Variants in SPEF2 observed in about 807,000 individuals in gnomAD.
The protein encoded by SPEF2 is sperm flagellar and cilia associated 2, also known as sperm flagella and cilia-associated protein 2.
In SPEF2, 187 loss-of-function variants were observed where a neutral mutation model predicts 224.6. The observed-to-expected ratio is 0.83, with a 90% CI of 0.74 to 0.94. The LOEUF (loss-of-function observed/expected upper bound fraction) is 0.94, where lower values mean the gene tolerates loss of function less well. SPEF2 is among the 40% of genes least tolerant of loss of function. SPEF2 has a pLI of 0.00. For synonymous variants in SPEF2, 715 were observed against 707.3 expected, an observed-to-expected ratio of 1.01 and a Z score of -0.17; for missense variants, 2,170 against 2,135.6, an observed-to-expected ratio of 1.02 and a Z score of -0.32.
intron 5 of SPEF2, among the ~76,000 whole-genome samples, chr5:35,647,710 A>G (rs1423518838): frequency 6.6e-6 from 1 of 151,848 alleles, no homozygotes; most frequent in East Asian, 1.9e-4. Context: ...TACACATAGC[A>G]TATGTATGCC....
At chr5:35,659,914 A>G (rs1330376047) in intron 8 of SPEF2, among the ~76,000 whole-genome samples, 1 of 151,518 alleles carries the variant, frequency 6.6e-6, no homozygotes, top group Non-Finnish European at 1.5e-5. Flanking sequence ...AAAAAAAGAG[A>G]TTCCTCAGGC....
intron 2 of SPEF2, among the ~76,000 whole-genome samples, chr5:35,640,957 A>G (rs1746552249): frequency 6.6e-6 from 1 of 152,186 alleles, no homozygotes; most frequent in Non-Finnish European, 1.5e-5. Flanking sequence ...AAGAGGCTCA[A>G]AAACATGCTA....
At chr5:35,685,961 CTTTTG>C (rs1252758695) in intron 10 of SPEF2, among the ~76,000 whole-genome samples, 1 of 151,614 alleles carries the variant, frequency 6.6e-6, no homozygotes, top group Admixed American at 6.6e-5. Flanking sequence ...TGTACCCTGT[CTTTTG>C]TTTTGGTTCT....
chr5:35,692,577 T>C lies in SPEF2; in HGVS notation c.1752T>C (p.Pro584=), dbSNP rs1754682224. The C allele has an allele frequency of 1.9e-6, 3 of 1,607,126 alleles. No individual in the cohort carries two copies. In the Middle Eastern group the frequency reaches 5.0e-4, roughly 268 times the overall value. Residue 584 remains proline (P), a synonymous_variant, in exon 12 of 37, where the codon CCT becomes CCC. Transcript: ENST00000356031. The stretch of plus-strand genomic sequence containing the variant: ...TTATCTTTTGTACTTTAGACTTTCC[T>C]ATACAGATACTTTCTATTGACACTC... ...TILRSLQKDF[P]IQILSIDTLV...
chr5:35,628,528 C>T lies in SPEF2; in HGVS notation c.127C>T (p.Leu43Phe). Residue 43 changes from leucine to phenylalanine, a missense_variant, in exon 2 of 37, where the codon CTT becomes TTT. Physicochemically the swap from Leu to Phe is conservative, Grantham distance 22 (BLOSUM62 0). Transcript: ENST00000356031. Reference sequence around the variant, plus strand: ...TGGAGAAGTTCTACACAAGTTTGAACTTCAGGATGATTTTTCAGAATTTTT... The same window carrying T: ...TGGAGAAGTTCTACACAAGTTTGAATTTCAGGATGATTTTTCAGAATTTTT... The part of the protein sequence containing the change: ...LLGEVLHKFE[L>F]QDDFSEFLDS... 1 of 1,613,906 alleles carries T rather than the reference C, an allele frequency of 6.2e-7. No homozygotes were observed.
chr5:35,782,554 C>T (rs974080131), intron 30 of SPEF2, among the ~76,000 whole-genome samples: 1 of 152,024 alleles, frequency 6.6e-6, no homozygotes, highest in Non-Finnish European at 1.5e-5. Context: ...ACTGATGTTA[C>T]TAAATTACAC....
chr5:35,656,575 G>A (rs1405235776), intron 7 of SPEF2, among the ~76,000 whole-genome samples: 1 of 152,150 alleles, frequency 6.6e-6, no homozygotes, highest in Non-Finnish European at 1.5e-5. Flanking sequence ...ACATTTCTAT[G>A]TATGTTCCAA....
rs72738825 is a variant in SPEF2, at chr5:35,662,633, A to G, written c.1167+3426A>G. 4.0e-3 allele frequency among the ~76,000 whole-genome samples: 616 copies of G among 152,220 alleles called. 2 individuals carry two copies. The highest frequency in any genetic ancestry group is 6.9e-3 in the Non-Finnish European group (470 of 67,984). ...GGTGTAAGGGAGGGGTCCAGTTTCTATCTTCTGCATATAGGTAGCCAGTTA... is the reference window on the plus strand; with the variant it reads ...GGTGTAAGGGAGGGGTCCAGTTTCTGTCTTCTGCATATAGGTAGCCAGTTA... On this transcript the variant is annotated intron_variant, in intron 8 of 36. Coordinates refer to ENST00000356031, the MANE Select transcript of SPEF2 (RefSeq NM_024867.4).
chr5:35,777,974 G>A (rs1477138629), intron 29 of SPEF2, among the ~76,000 whole-genome samples: 1 of 152,150 alleles, frequency 6.6e-6, no homozygotes, highest in Non-Finnish European at 1.5e-5. Context: ...CTCTGTCCCC[G>A]AGCACGCAAC....
chr5:35,696,008 C>G (rs1159118257), intron 14 of SPEF2, among the ~76,000 whole-genome samples: 1 of 152,220 alleles, frequency 6.6e-6, no homozygotes, highest in Admixed American at 6.5e-5. Flanking sequence ...TTATTCTTCA[C>G]TTTTGCCAGG....
intron 10 of SPEF2, among the ~76,000 whole-genome samples, chr5:35,689,437 A>G (rs1291602186): frequency 6.6e-6 from 1 of 152,154 alleles, no homozygotes; most frequent in Non-Finnish European, 1.5e-5. Context: ...TGTTTGGGGT[A>G]TGACTGAACC....
At chr5:35,800,911 A>G (rs887003188) in intron 34 of SPEF2, among the ~76,000 whole-genome samples, 1 of 152,190 alleles carries the variant, frequency 6.6e-6, no homozygotes, top group African/African-American at 2.4e-5. Context: ...CTTTTCACAC[A>G]TACTTGTTAA....
In SPEF2 at chr5:35,657,355, G is replaced by T. The variant is rs1210126257; in HGVS notation, c.979-1664G>T. On this transcript the variant is annotated intron_variant, in intron 7 of 36. Coordinates refer to ENST00000356031, the MANE Select transcript of SPEF2 (RefSeq NM_024867.4). ...TGGAATTATGTGAACTAAATGATGAGATTTAAAGTTATAAAAATCAATTTG... is the reference window on the plus strand; with the variant it reads ...TGGAATTATGTGAACTAAATGATGATATTTAAAGTTATAAAAATCAATTTG... Among the ~76,000 whole-genome samples, 3 of 152,230 alleles carry T rather than the reference G, an allele frequency of 2.0e-5. No homozygotes were observed. In the East Asian group the frequency reaches 5.8e-4, roughly 29 times the overall value.
At chr5:35,638,605 T>C (rs1746160833) in intron 2 of SPEF2, among the ~76,000 whole-genome samples, 1 of 152,230 alleles carries the variant, frequency 6.6e-6, no homozygotes, top group Non-Finnish European at 1.5e-5. Context: ...TTCTCTTTGT[T>C]CTAATAAAAC....
Position 35,806,797 on chromosome 5 carries a change from G to A in SPEF2, c.5101G>A (p.Glu1701Lys), listed in dbSNP as rs747327577. 1.2e-6 allele frequency: 2 copies of A among 1,613,920 alleles called. No individual in the cohort carries two copies. The highest frequency in any genetic ancestry group is 1.7e-6 in the Non-Finnish European group (2 of 1,179,930). Residue 1701 changes from glutamate to lysine, a missense_variant, in exon 35 of 37, where the codon GAG (glutamate) becomes AAG (lysine). Physicochemically the swap from Glu to Lys is moderately conservative, Grantham distance 56. Transcript: ENST00000356031. ...REERKLKDDT[E>K]KREQKDEEIP... ...AGAAAGGAAATTAAAAGACGACACG[G>A]AGAAAAGGGAACAGAAGGATGAAGA...
intron 20 of SPEF2, among the ~76,000 whole-genome samples, chr5:35,716,681 T>C (rs191981631): frequency 9.8e-4 from 149 of 152,306 alleles, no homozygotes; most frequent in African/African-American, 3.3e-3. Context: ...TTAGACATCT[T>C]TATGTTACAT....
intron 21 of SPEF2, among the ~76,000 whole-genome samples, chr5:35,735,117 T>C (rs1746355672): frequency 6.6e-6 from 1 of 152,178 alleles, no homozygotes. Context: ...CTATCTTCTA[T>C]ATGAATATAA....
chr5:35,810,432 C>G (rs978557409), intron 36 of SPEF2, among the ~76,000 whole-genome samples: 3 of 152,078 alleles, frequency 2.0e-5, no homozygotes, highest in Non-Finnish European at 4.4e-5. Context: ...AGGCTGGTCT[C>G]GAACTCCTGA....
intron 15 of SPEF2, chr5:35,700,196 G>T: frequency 3.1e-6 from 1 of 322,572 alleles, no homozygotes. Flanking sequence ...AAATTGCCCA[G>T]TCTTGGGTAT....
Sources: allele counts gnomAD v4.1 joint callset (sites outside exome capture counted in the v4.1 genomes callset), GRCh38; gene constraint gnomAD v4.1.1; transcripts MANE v1.5; gene names NCBI Gene and HGNC (gene_info 2026-07-23, HGNC 2026-07-21).